USH2A: variants seen among roughly 807,000 people sequenced by gnomAD.
USH2A encodes the protein usherin, also known as Usher syndrome 2A (autosomal recessive, mild).
A neutral mutation model predicts 538.9 loss-of-function variants in USH2A; 443 were observed. The ratio of observed to expected loss-of-function variants is 0.82; its 90% CI spans 0.76 to 0.89. The LOEUF (loss-of-function observed/expected upper bound fraction) is 0.89, where lower values mean the gene tolerates loss of function less well. Among genes scored for constraint, USH2A ranks in the 40% least tolerant of loss-of-function variants. The pLI is 0.00. For missense variants in USH2A, 6,633 were observed against 6,324.8 expected (o/e 1.05, Z -1.65); for synonymous variants, 2,413 against 2,273.5 (o/e 1.06, Z -1.75).
At chr1:215,638,761 G>A (rs760034972) in intron 69 of USH2A, among the ~76,000 whole-genome samples, 4 of 151,896 alleles carry the variant, frequency 2.6e-5, no homozygotes, top group Admixed American at 2.6e-4. Flanking sequence ...GGCAGATCAC[G>A]AGGTCAGGAG....
At chr1:215,661,483 T>C (rs1459481396) in intron 64 of USH2A, among the ~76,000 whole-genome samples, 1 of 152,128 alleles carries the variant, frequency 6.6e-6, no homozygotes, top group Non-Finnish European at 1.5e-5. Context: ...CAACATCCCT[T>C]ATTGATTCTC....
intron 41 of USH2A, among the ~76,000 whole-genome samples, chr1:215,880,228 C>T (rs12063584): frequency 1.3e-5 from 2 of 152,046 alleles, no homozygotes; most frequent in Admixed American, 1.3e-4. Context: ...GAAGGACTGA[C>T]CATAATTTTC....
At chr1:216,090,888 AG>A in intron 22 of USH2A, among the ~76,000 whole-genome samples, 1 of 152,282 alleles carries the variant, frequency 6.6e-6, no homozygotes, top group Middle Eastern at 3.4e-3. Flanking sequence ...GTCTCATCAA[AG>A]TGTACTTAGT....
intron 4 of USH2A, among the ~76,000 whole-genome samples, chr1:216,356,181 T>A (rs2038389117): frequency 6.6e-6 from 1 of 152,110 alleles, no homozygotes; most frequent in African/African-American, 2.4e-5. Context: ...TAATTGTATG[T>A]ACAATGAGTT....
chr1:216,086,547 ATG>A (rs2032138533), intron 24 of USH2A, among the ~76,000 whole-genome samples, 170 bp downstream of exon 24: 1 of 152,164 alleles, frequency 6.6e-6, no homozygotes, highest in African/African-American at 2.4e-5. Context: ...TACAAGTCAT[ATG>A]GAATACATGG....
At chr1:216,282,101 G>A (rs2036794349) in intron 11 of USH2A, among the ~76,000 whole-genome samples, 1 of 151,874 alleles carries the variant, frequency 6.6e-6, no homozygotes, top group Admixed American at 6.6e-5. Flanking sequence ...TACTAGACAA[G>A]CTTCTTATCA....
In USH2A at chr1:216,324,343, T is replaced by A; in HGVS notation, c.1153A>T (p.Ile385Phe). ...LENGQYQVFY[I>F]IIQFFSPQPT... ...TGTGGACTAAAGAACTGAATGATAA[T>A]ATAAAACACCTGAAAATGGAAAGTT... The change falls in exon 7 of 72, where the codon ATT becomes TTT. Residue 385 changes from isoleucine to phenylalanine, a missense_variant. Coordinates refer to ENST00000307340, the MANE Select transcript of USH2A (RefSeq NM_206933.4). The A allele has an allele frequency of 6.2e-7, 1 of 1,610,894 alleles. No individual in the cohort carries two copies. The highest frequency in any genetic ancestry group is 1.1e-5 in the South Asian group (1 of 90,752).
chr1:216,238,895 C>A (rs1572080750), intron 13 of USH2A, among the ~76,000 whole-genome samples: 1 of 152,160 alleles, frequency 6.6e-6, no homozygotes, highest in Admixed American at 6.5e-5. Flanking sequence ...ACTGCTCACA[C>A]ACCAGCATGC....
At chr1:215,948,429 T>TAC (rs894301544) in intron 37 of USH2A, among the ~76,000 whole-genome samples, 18 of 137,146 alleles carry the variant, frequency 1.3e-4, no homozygotes, top group Admixed American at 1.3e-3. Flanking sequence ...TGTTCAGATA[T>TAC]ATATATATAT....
At chr1:215,897,027 A>G (rs1571791601) in intron 40 of USH2A, among the ~76,000 whole-genome samples, 2 of 152,002 alleles carry the variant, frequency 1.3e-5, no homozygotes, top group Non-Finnish European at 2.9e-5. Context: ...ATGGAACTGG[A>G]TATTGGTGGC....
intron 21 of USH2A, among the ~76,000 whole-genome samples, chr1:216,126,223 T>C (rs1229945494): frequency 4.2e-5 from 3 of 70,776 alleles, no homozygotes; most frequent in Non-Finnish European, 1.0e-4. Context: ...GTTGTTGTTG[T>C]TTTGTTTTTG....
At chr1:216,013,825 T>G (rs1426837902) in intron 32 of USH2A, among the ~76,000 whole-genome samples, 1 of 152,190 alleles carries the variant, frequency 6.6e-6, no homozygotes, top group Non-Finnish European at 1.5e-5. Flanking sequence ...GCTTTATTGC[T>G]CACACAAAGC....
chr1:215,891,359 A>C (rs1665205482), intron 40 of USH2A, among the ~76,000 whole-genome samples: 1 of 152,190 alleles, frequency 6.6e-6, no homozygotes, highest in South Asian at 2.1e-4. Flanking sequence ...AGCTGAAAGC[A>C]GCTTAATTAG....
At chr1:215,867,192 A>C in intron 43 of USH2A, 22 bp from the exon 44 acceptor site, 1 of 1,611,636 alleles carries the variant, frequency 6.2e-7, no homozygotes, top group Non-Finnish European at 8.5e-7. Flanking sequence ...TTTTGTTAAA[A>C]AAAGTATATG....
At chr1:216,317,294 A>G (rs1046012920) in intron 9 of USH2A, among the ~76,000 whole-genome samples, 8 of 152,186 alleles carry the variant, frequency 5.3e-5, no homozygotes, top group African/African-American at 1.9e-4. Context: ...ATGCCGGTAC[A>G]AAAAATCAAA....
intron 61 of USH2A, among the ~76,000 whole-genome samples, chr1:215,682,221 C>T (rs1440383869): frequency 2.0e-5 from 3 of 152,102 alleles, no homozygotes; most frequent in Admixed American, 6.5e-5. Context: ...AAAAAGCATA[C>T]GCTCCAAAGC....
intron 21 of USH2A, among the ~76,000 whole-genome samples, chr1:216,120,219 C>CAAAAAAAAAAAAAAAAAAAAAA (rs10525093): frequency 2.0e-5 from 2 of 100,070 alleles, no homozygotes; most frequent in African/African-American, 7.6e-5. Context: ...TACTAAATAG[C>CAAAAAAAAAAAAAAAAAAAAAA]AAAAAAAAAA....
chr1:215,831,107 T>A (rs144623081), intron 47 of USH2A, among the ~76,000 whole-genome samples: 23 of 152,180 alleles, frequency 1.5e-4, no homozygotes, highest in African/African-American at 5.5e-4. Context: ...AAGGAAATTA[T>A]CAGGAAGTAA....
chr1:216,263,043 T>C (rs1340102598), intron 11 of USH2A, among the ~76,000 whole-genome samples: 2 of 152,042 alleles, frequency 1.3e-5, no homozygotes, highest in African/African-American at 2.4e-5. Flanking sequence ...ATGGATAAAT[T>C]TGTGGATACA....
Sources: allele counts gnomAD v4.1 joint callset (sites outside exome capture counted in the v4.1 genomes callset), GRCh38; gene constraint gnomAD v4.1.1; transcripts MANE v1.5; gene names NCBI Gene and HGNC (gene_info 2026-07-23, HGNC 2026-07-21).